Variants in STK3 observed in about 807,000 individuals in gnomAD.
STK3 encodes serine/threonine-protein kinase 3.
STK3 carries 41 observed loss-of-function variants against 58.0 expected under a neutral mutation model. That is an observed-to-expected ratio of 0.71 (90% CI 0.55 to 0.92). STK3 has a LOEUF of 0.92. STK3 is among the 40% of genes least tolerant of loss of function. The pLI is 0.00. For missense variants in STK3, 479 were observed against 602.7 expected (o/e 0.79, Z 2.15); for synonymous variants, 170 against 191.0 (o/e 0.89, Z 0.91).
At chr8:98,601,410 A>G (rs1816336953) in intron 6 of STK3, 1 of 152,170 alleles carries the variant, frequency 6.6e-6, no homozygotes, top group South Asian at 2.1e-4. Flanking sequence ...ACATGGCTGT[A>G]GAGAAAAGCA....
chr8:98,631,273 G>C (rs114706834), intron 6 of STK3, among the ~76,000 whole-genome samples: 68 of 152,218 alleles, frequency 4.5e-4, no homozygotes, highest in African/African-American at 1.5e-3. Flanking sequence ...CCCTGCAATG[G>C]TTTCCTGTTT....
intron 1 of STK3, among the ~76,000 whole-genome samples, chr8:98,812,099 C>A (rs1834266976): frequency 6.6e-6 from 1 of 152,142 alleles, no homozygotes; most frequent in Admixed American, 6.5e-5. Flanking sequence ...GGTGAGCCAC[C>A]ATGCCTGGCC....
At chr8:98,653,295 A>T (rs1036899111) in intron 6 of STK3, among the ~76,000 whole-genome samples, 1 of 152,232 alleles carries the variant, frequency 6.6e-6, no homozygotes, top group African/African-American at 2.4e-5. Flanking sequence ...GAGAACAAAG[A>T]CACAACATAC....
intron 6 of STK3, among the ~76,000 whole-genome samples, chr8:98,628,197 C>T (rs988163312): frequency 6.6e-5 from 10 of 152,084 alleles, no homozygotes; most frequent in Non-Finnish European, 1.0e-4. Context: ...CAGAACTTGC[C>T]CCTGATTTTT....
intron 10 of STK3, among the ~76,000 whole-genome samples, chr8:98,466,941 A>G (rs1192726134): frequency 6.6e-6 from 1 of 152,172 alleles, no homozygotes; most frequent in Admixed American, 6.5e-5. Context: ...CACTACTCCA[A>G]TGGCCCTTAG....
intron 6 of STK3, among the ~76,000 whole-genome samples, chr8:98,656,003 A>T (rs947186680): frequency 2.0e-5 from 3 of 151,942 alleles, no homozygotes; most frequent in African/African-American, 4.8e-5. Context: ...CCAAAGGACT[A>T]TAAATCATGT....
intron 4 of STK3, among the ~76,000 whole-genome samples, chr8:98,709,197 T>C (rs965189139): frequency 4.6e-5 from 7 of 152,064 alleles, no homozygotes; most frequent in Non-Finnish European, 8.8e-5. Flanking sequence ...CAGGAAAATG[T>C]CTGTGAAAAT....
intron 10 of STK3, among the ~76,000 whole-genome samples, chr8:98,472,323 T>G (rs1563637102): frequency 6.6e-6 from 1 of 152,180 alleles, no homozygotes; most frequent in East Asian, 1.9e-4. Flanking sequence ...GTATAGACAC[T>G]TGCAAGTCAA....
At chr8:98,526,620 A>T in intron 10 of STK3, 122 bp downstream of exon 10, 1 of 783,760 alleles carries the variant, frequency 1.3e-6, no homozygotes, top group Non-Finnish European at 1.8e-6. Context: ...AATGAATATT[A>T]ACATATGGTC....
chr8:98,758,015 A>G (rs1830401163), intron 3 of STK3, among the ~76,000 whole-genome samples: 1 of 152,238 alleles, frequency 6.6e-6, no homozygotes. Context: ...TGATTATTAA[A>G]GGTTAGGGAA....
intron 10 of STK3, among the ~76,000 whole-genome samples, chr8:98,464,592 GA>G (rs1360992447): frequency 1.2e-5 from 1 of 81,236 alleles, no homozygotes; most frequent in Admixed American, 1.1e-4. Flanking sequence ...AAAAAGAAAA[GA>G]AAACATTCAT....
At chr8:98,870,651 T>C (rs1309793766) in intron 3 of STK3, among the ~76,000 whole-genome samples, 10 of 152,264 alleles carry the variant, frequency 6.6e-5, no homozygotes, top group Admixed American at 1.3e-4. Flanking sequence ...TTTTGAGAAG[T>C]GTCTGTTCAT....
intron 7 of STK3, among the ~76,000 whole-genome samples, chr8:98,586,727 T>C (rs1399779874): frequency 1.3e-5 from 2 of 152,064 alleles, no homozygotes; most frequent in Non-Finnish European, 2.9e-5. Context: ...TGTCTGGTCC[T>C]GGACTCTTTT....
chr8:98,501,307 C>A (rs914755855), intron 10 of STK3, among the ~76,000 whole-genome samples: 1 of 151,920 alleles, frequency 6.6e-6, no homozygotes, highest in African/African-American at 2.4e-5. Flanking sequence ...GGTATCAGCC[C>A]TTTGTCAGAT....
At chr8:98,376,190 A>T (rs1451022181) in intron 2 of STK3, among the ~76,000 whole-genome samples, 2 of 152,222 alleles carry the variant, frequency 1.3e-5, no homozygotes, top group Non-Finnish European at 2.9e-5. Context: ...AAGCATCTTT[A>T]CATGTGTGTA....
chr8:98,478,515 G>A (rs747272378), intron 10 of STK3, among the ~76,000 whole-genome samples: 1 of 152,162 alleles, frequency 6.6e-6, no homozygotes, highest in Non-Finnish European at 1.5e-5. Flanking sequence ...TGAGGAAGCT[G>A]GCAGAACCTA....
chr8:98,794,791 G>A (rs932043682), intron 1 of STK3, among the ~76,000 whole-genome samples: 2 of 151,920 alleles, frequency 1.3e-5, no homozygotes, highest in Admixed American at 6.6e-5. Flanking sequence ...ACCAAGGCTC[G>A]GCACAGTGGC....
intron 4 of STK3, among the ~76,000 whole-genome samples, chr8:98,715,770 T>C (rs1826960328): frequency 6.6e-6 from 1 of 152,152 alleles, no homozygotes; most frequent in African/African-American, 2.4e-5. Context: ...GACCCAGCCA[T>C]CCCATTACTG....
intron 6 of STK3, among the ~76,000 whole-genome samples, chr8:98,602,709 A>C (rs895592378): frequency 6.6e-6 from 1 of 152,308 alleles, no homozygotes; most frequent in Non-Finnish European, 1.5e-5. Flanking sequence ...AAATCCTGCT[A>C]AAGTACAGTA....
Sources: allele counts gnomAD v4.1 joint callset (sites outside exome capture counted in the v4.1 genomes callset), GRCh38; gene constraint gnomAD v4.1.1; transcripts MANE v1.5; gene names NCBI Gene and HGNC (gene_info 2026-07-23, HGNC 2026-07-21).